Variants in TCF4 observed in about 807,000 individuals in gnomAD.
TCF4 encodes the protein transcription factor 4, also known as SL3-3 enhancer factor 2.
TCF4 carries 3 observed loss-of-function variants against 82.1 expected under a neutral mutation model. The observed-to-expected ratio is 0.04, with a 90% CI of 0.02 to 0.09. TCF4 has a LOEUF of 0.09. Ranked by LOEUF, TCF4 falls within the 10% of genes least tolerant of loss-of-function variation. TCF4 has a pLI of 1.00. For synonymous variants in TCF4, 276 were observed against 309.6 expected (o/e 0.89, Z 1.14); for missense variants, 518 against 852.7 (o/e 0.61, Z 4.89).
At chr18:55,597,936 T>C (rs1212045902) in intron 2 of TCF4, among the ~76,000 whole-genome samples, 1 of 152,162 alleles carries the variant, frequency 6.6e-6, no homozygotes, top group Non-Finnish European at 1.5e-5. Context: ...ACACAAGACA[T>C]TGAGCAGTTT....
intron 3 of TCF4, among the ~76,000 whole-genome samples, chr18:55,530,835 AACAG>A (rs931275034): frequency 3.3e-5 from 5 of 152,172 alleles, no homozygotes; most frequent in Admixed American, 2.0e-4. Context: ...GTCCTCTTGA[AACAG>A]ACATTCTATG....
At chr18:55,297,170 T>TTTTA (rs1555836667) in intron 8 of TCF4, among the ~76,000 whole-genome samples, 9 of 98,036 alleles carry the variant, frequency 9.2e-5, no homozygotes, top group African/African-American at 2.1e-4. Context: ...TTTTTTTTTT[T>TTTTA]ATCCCTTAGG....
chr18:55,338,700 C>G (rs1018782872), intron 8 of TCF4, among the ~76,000 whole-genome samples: 1 of 151,986 alleles, frequency 6.6e-6, no homozygotes, highest in African/African-American at 2.4e-5. Context: ...GAAGTATTCT[C>G]CCCCCCACAA....
At chr18:55,598,432 G>A (rs1050238055) in intron 2 of TCF4, among the ~76,000 whole-genome samples, 2 of 152,158 alleles carry the variant, frequency 1.3e-5, no homozygotes, top group Non-Finnish European at 2.9e-5. Flanking sequence ...TACATGCACA[G>A]AACGCGCAGG....
chr18:55,568,932 A>G (rs1677042869), intron 3 of TCF4, among the ~76,000 whole-genome samples: 1 of 152,218 alleles, frequency 6.6e-6, no homozygotes, highest in African/African-American at 2.4e-5. Context: ...AAGGTGGCTT[A>G]CCACAGGAAA....
Position 55,365,156 on chromosome 18 carries a change from A to AATATATATATATATAT in TCF4, c.370-14169_370-14154dup, listed in dbSNP as rs139574594. Among the ~76,000 whole-genome samples the AATATATATATATATAT allele has an allele frequency of 2.9e-3, 246 of 83,484 alleles. 1 individual carries two copies. The highest frequency in any genetic ancestry group is 3.7e-3 in the Non-Finnish European group (166 of 44,962). 54.8% of individuals were successfully genotyped at this position (83,484 alleles called of 152,430 possible). On this transcript the variant is annotated intron_variant, in intron 6 of 19. Transcript: ENST00000354452. Reference sequence around the variant, plus strand: ...CAACAGTGTGAGACTCCATCTCCAAAATATATATATATATATATATATATA... The same window carrying AATATATATATATATAT: ...CAACAGTGTGAGACTCCATCTCCAAAATATATATATATATATATATATATATATATATATATATATA...
At position 55,255,598 on chromosome 18, in the gene TCF4, T is replaced by C. The variant is rs1310656234; in HGVS notation, c.1147-898A>G. Among the ~76,000 whole-genome samples, 3 of 152,292 alleles carry C rather than the reference T, an allele frequency of 2.0e-5. No homozygotes were observed. In the East Asian group the frequency reaches 5.8e-4, roughly 29 times the overall value. ...TTTTAAAAACTGATCAATAATGATATCAAATACCACTCTCCAGTGTACACT... is the reference window on the plus strand; with the variant it reads ...TTTTAAAAACTGATCAATAATGATACCAAATACCACTCTCCAGTGTACACT... On this transcript the variant is annotated intron_variant, in intron 14 of 19. Coordinates refer to ENST00000354452, the MANE Select transcript of TCF4 (RefSeq NM_001083962.2).
chr18:55,601,502 A>G (rs1240676280), intron 2 of TCF4, among the ~76,000 whole-genome samples: 1 of 150,902 alleles, frequency 6.6e-6, no homozygotes, highest in East Asian at 1.9e-4. Context: ...GTCTGATTCA[A>G]GCTGGGTGCG....
intron 15 of TCF4, among the ~76,000 whole-genome samples, chr18:55,238,797 T>C (rs11661961): frequency 0.25 from 37,911 of 152,152 alleles, 4,852 homozygotes; most frequent in East Asian, 0.32. Context: ...GCATTCTTTC[T>C]GGTTCTGTAC....
chr18:55,351,159 G>A (rs2082235290), intron 6 of TCF4, 156 bp from the exon 7 acceptor site: 1 of 857,790 alleles, frequency 1.2e-6, no homozygotes, highest in East Asian at 2.7e-5. Context: ...AAGAAAGGCA[G>A]TCTAAGAAGC....
At chr18:55,480,907 C>T (rs978568104) in intron 3 of TCF4, among the ~76,000 whole-genome samples, 11 of 152,010 alleles carry the variant, frequency 7.2e-5, no homozygotes, top group Admixed American at 2.0e-4. Flanking sequence ...AGTTTGAGAC[C>T]AGCCTAGGCA....
At chr18:55,277,422 G>A (rs1264888224) in intron 9 of TCF4, among the ~76,000 whole-genome samples, 2 of 152,274 alleles carry the variant, frequency 1.3e-5, no homozygotes, top group East Asian at 3.9e-4. Context: ...GTTTAGGACT[G>A]TTAACACAGA....
intron 3 of TCF4, chr18:55,510,721 C>A (rs1481297566): frequency 5.7e-6 from 8 of 1,409,112 alleles, no homozygotes; most frequent in Admixed American, 2.8e-5. Context: ...TTTTAAGGGG[C>A]CTTCCTTGTT....
intron 3 of TCF4, chr18:55,469,753 A>C (rs1264030417): frequency 6.6e-6 from 1 of 152,182 alleles, no homozygotes; most frequent in Non-Finnish European, 1.5e-5. Context: ...TGCAGTGACC[A>C]GTTCTCTGGT....
intron 3 of TCF4, among the ~76,000 whole-genome samples, chr18:55,548,163 C>T (rs1161577090): frequency 6.6e-6 from 1 of 152,208 alleles, no homozygotes; most frequent in East Asian, 1.9e-4. Flanking sequence ...GGGCATATTG[C>T]ACTTCGTTTA....
At chr18:55,381,810 A>G (rs1023417226) in intron 6 of TCF4, among the ~76,000 whole-genome samples, 4 of 152,272 alleles carry the variant, frequency 2.6e-5, no homozygotes, top group Non-Finnish European at 5.9e-5. Context: ...TCTAGTTCCT[A>G]GCTGAACTCT....
intron 8 of TCF4, chr18:55,321,519 C>T (rs1007082157): frequency 1.2e-5 from 14 of 1,170,018 alleles, no homozygotes; most frequent in East Asian, 7.6e-5. Context: ...AGAAGAAGAT[C>T]TTAGGATTGG....
chr18:55,586,226 A>AGCAGCAGCT, intron 2 of TCF4: 3 of 1,029,760 alleles, frequency 2.9e-6, no homozygotes, highest in Non-Finnish European at 4.2e-6. Flanking sequence ...CAGCAGCAGC[A>AGCAGCAGCT]GCATGAAAGA....
chr18:55,234,598 A>G lies in TCF4; in HGVS notation c.1436T>C (p.Val479Ala), dbSNP rs1271960650. The change falls in exon 16 of 20, where the codon GTC becomes GCC. Residue 479 changes from valine (V) to alanine (A), a missense_variant. Val to Ala is a moderately conservative substitution (Grantham distance 64, BLOSUM62 0). Transcript: ENST00000354452. Reference sequence around the variant, plus strand: ...CAGGTCAGGGGAAGTCGCAGACTGGACAGGAAGCTGTGGAACCGGAACCTG... The same window carrying G: ...CAGGTCAGGGGAAGTCGCAGACTGGGCAGGAAGCTGTGGAACCGGAACCTG... ...PNQVPVPQLP[V>A]QSATSPDLNP... The G allele has an allele frequency of 6.2e-7, 1 of 1,614,080 alleles. No individual in the cohort carries two copies.
Sources: gnomAD v4.1 joint callset for allele counts (sites outside exome capture counted in the v4.1 genomes callset) on GRCh38, gnomAD v4.1.1 for gene constraint, MANE v1.5 for transcripts, NCBI Gene and HGNC (gene_info 2026-07-23, HGNC 2026-07-21) for gene names.